The following MAP3K2 variants were observed in gnomAD, a reference collection of about 807,000 sequenced individuals.
MAP3K2 encodes the protein mitogen-activated protein kinase kinase kinase 2, also known as MAP/ERK kinase kinase 2.
Under a neutral mutation model 80.3 loss-of-function variants are expected in MAP3K2, and 24 were observed. The ratio of observed to expected loss-of-function variants is 0.30; its 90% confidence interval spans 0.22 to 0.42. The LOEUF is 0.42. Among genes scored for constraint, MAP3K2 ranks in the 10% least tolerant of loss-of-function variants. The probability of loss-of-function intolerance (pLI) is 1.00; values close to 1 mark genes in which losing one functional copy is unlikely to be tolerated. For missense variants in MAP3K2, 608 were observed against 750.1 expected (o/e 0.81, Z 2.21); for synonymous variants, 244 against 253.7 (o/e 0.96, Z 0.36).
Position 127,300,691 on chromosome 2 carries a change from A to C in MAP3K2, c.*6888T>G, listed in dbSNP as rs1685575186. 6.6e-6 allele frequency: 1 copy of C among 152,182 alleles called. No individual in the cohort carries two copies. The highest frequency in any genetic ancestry group is 2.1e-4 in the South Asian group (1 of 4,832). The allele number at this position is 152,182 out of a possible 1,614,324, so 9.4% of individuals were successfully genotyped here. A position where few individuals can be genotyped will look rare whatever the true frequency, so the allele number is the denominator to read the frequency against. ...TACTAATTAAGATTGCATTAAAACA[A>C]TTGTTGGTCTTTAAAGAAGTATTCT... On this transcript the variant is annotated 3_prime_UTR_variant, in exon 17 of 17. Coordinates refer to ENST00000682094, the MANE Select transcript of MAP3K2 (RefSeq NM_001371910.2).
intron 1 of MAP3K2, among the ~76,000 whole-genome samples, chr2:127,347,777 CACA>C (rs1411786813): frequency 2.0e-5 from 3 of 152,098 alleles, no homozygotes; most frequent in African/African-American, 7.2e-5. Flanking sequence ...ACTGAATAGC[CACA>C]ACAATACTGA....
rs757221600 is a variant in MAP3K2, at chr2:127,339,077, A to G, written c.5-27T>C. On this transcript the variant is annotated intron_variant, in intron 2 of 16. Coordinates refer to ENST00000682094, the MANE Select transcript of MAP3K2 (RefSeq NM_001371910.2). This position sits in a 1 kb window ranked among gnomAD's most constrained non-coding sequence, Gnocchi z 4.2. ...TAGGTAGTTTTGAAACAACACATAC[A>G]TAGAATTGTAATTGTGACATATATA... 11 of 1,352,220 alleles carry G rather than the reference A, an allele frequency of 8.1e-6. No individual in the cohort carries two copies. The highest frequency in any genetic ancestry group is 1.9e-5 in the Admixed American group (1 of 53,856). 83.8% of individuals were successfully genotyped at this position (1,352,220 alleles called of 1,614,324 possible).
chr2:127,332,302 G>A (rs1686275394), intron 5 of MAP3K2, among the ~76,000 whole-genome samples: 1 of 152,096 alleles, frequency 6.6e-6, no homozygotes, highest in Non-Finnish European at 1.5e-5. Context: ...TCATTTGAGG[G>A]GAAAATCTGA....
chr2:127,344,405 T>C (rs1283429344), intron 1 of MAP3K2, among the ~76,000 whole-genome samples: 1 of 151,878 alleles, frequency 6.6e-6, no homozygotes, highest in South Asian at 2.1e-4. Flanking sequence ...TACTAGCAAT[T>C]TGGGGGGGCC....
chr2:127,386,903 G>A (rs1405399110), intron 1 of MAP3K2, among the ~76,000 whole-genome samples: 1 of 152,054 alleles, frequency 6.6e-6, no homozygotes, highest in Non-Finnish European at 1.5e-5. Context: ...CATGACCTTG[G>A]ACAAATGCCT....
At chr2:127,371,872 TA>T (rs1687071233) in intron 1 of MAP3K2, among the ~76,000 whole-genome samples, 1 of 152,062 alleles carries the variant, frequency 6.6e-6, no homozygotes, top group East Asian at 1.9e-4. Flanking sequence ...CCAAATTTGA[TA>T]AAAACGACAA....
intron 1 of MAP3K2, among the ~76,000 whole-genome samples, chr2:127,348,498 A>G (rs1686637035): frequency 1.3e-5 from 2 of 152,206 alleles, no homozygotes; most frequent in South Asian, 4.1e-4. Context: ...CAGATTTTTA[A>G]AAAGCCCCAT....
At position 127,302,874 on chromosome 2, in the gene MAP3K2, A is replaced by C. The variant is rs772931276; in HGVS notation, c.*4705T>G. 1 of 146,134 alleles carries C rather than the reference A, an allele frequency of 6.8e-6. No homozygotes were observed. The allele number at this position is 146,134 out of a possible 1,614,324, so 9.1% of individuals were successfully genotyped here. A position where few individuals can be genotyped will look rare whatever the true frequency, so the allele number is the denominator to read the frequency against. On this transcript the variant is annotated 3_prime_UTR_variant, in exon 17 of 17. Coordinates refer to ENST00000682094, the MANE Select transcript of MAP3K2 (RefSeq NM_001371910.2). ...CAAATCCTAATGTTTCTCTCCTAAC[A>C]TTTATTTATTTATTTATTTATTTTT...
chr2:127,384,236 T>TATATATATATA (rs1558993425), intron 1 of MAP3K2, among the ~76,000 whole-genome samples: 3 of 134,274 alleles, frequency 2.2e-5, no homozygotes, highest in African/African-American at 8.9e-5. Flanking sequence ...ATATATATAT[T>TATATATATATA]GCTTTTTTAG....
At chr2:127,363,134 T>A (rs952089010) in intron 1 of MAP3K2, among the ~76,000 whole-genome samples, 1 of 152,216 alleles carries the variant, frequency 6.6e-6, no homozygotes, top group African/African-American at 2.4e-5. Context: ...CAATTTTATA[T>A]AAGAGATGTT....
intron 1 of MAP3K2, among the ~76,000 whole-genome samples, chr2:127,382,253 C>T (rs1687260090): frequency 6.6e-6 from 1 of 152,110 alleles, no homozygotes; most frequent in Admixed American, 6.5e-5. Flanking sequence ...ATGTCCTTAA[C>T]TTTAGGAGAT....
In MAP3K2 at chr2:127,387,552, G is replaced by C; in HGVS notation, c.-166C>G. 11 of 985,038 alleles carry C rather than the reference G, an allele frequency of 1.1e-5. No individual in the cohort carries two copies. The highest frequency in any genetic ancestry group is 1.3e-5 in the Non-Finnish European group (11 of 829,768). The allele number at this position is 985,038 out of a possible 1,614,324, so 61.0% of individuals were successfully genotyped here. ...AGCGCGGCCTGTCACCGCGGCCCCA[G>C]GTCGGGGGCTGCCGCAGGGCCCCCG... On this transcript the variant is annotated 5_prime_UTR_variant, in exon 1 of 17. Coordinates refer to ENST00000682094, the MANE Select transcript of MAP3K2 (RefSeq NM_001371910.2).
intron 1 of MAP3K2, among the ~76,000 whole-genome samples, chr2:127,352,717 CCT>C (rs1305635734): frequency 6.6e-6 from 1 of 151,966 alleles, no homozygotes; most frequent in Admixed American, 6.6e-5. Flanking sequence ...CCTCCCTCTC[CCT>C]CTCTTTCCAC....
Position 127,322,291 on chromosome 2 carries a change from AAT to A in MAP3K2, c.839-41_839-40del. The A allele has an allele frequency of 7.0e-6, 9 of 1,280,056 alleles. No homozygotes were observed. Among genetic ancestry groups the A allele is most frequent in the Non-Finnish European group, 7.8e-6 (7 of 898,532 alleles). The allele number at this position is 1,280,056 out of a possible 1,614,324, so 79.3% of individuals were successfully genotyped here. A position where few individuals can be genotyped will look rare whatever the true frequency, so the allele number is the denominator to read the frequency against. On this transcript the variant is annotated intron_variant, in intron 11 of 16. Transcript: ENST00000682094. The surrounding 1 kb of genome is among the most constrained non-coding windows in gnomAD (Gnocchi z 4.2). ...AGAGAATGACCTTATACCTTTTATT[AAT>A]ATGTTATACTTTTAAAGTATTTAAA...
At chr2:127,382,069 C>G (rs182875795) in intron 1 of MAP3K2, among the ~76,000 whole-genome samples, 3 of 152,272 alleles carry the variant, frequency 2.0e-5, no homozygotes, top group Admixed American at 2.0e-4. Context: ...GCCTTAACAA[C>G]TAAATGCAAT....
At chr2:127,387,419 CACAA>C (rs1199518991) in intron 1 of MAP3K2, 29 bp downstream of exon 1, 1 of 967,406 alleles carries the variant, frequency 1.0e-6, no homozygotes, top group African/African-American at 1.8e-5. Flanking sequence ...CACACACACA[CACAA>C]GCGCGCGCGC....
intron 1 of MAP3K2, among the ~76,000 whole-genome samples, chr2:127,355,028 C>CA (rs1305878980): frequency 2.0e-5 from 3 of 151,928 alleles, no homozygotes; most frequent in Admixed American, 6.6e-5. Context: ...TAAACAACTA[C>CA]AAAAAATGAA....
chr2:127,337,479 T>C (rs932724843), intron 4 of MAP3K2, among the ~76,000 whole-genome samples: 1 of 152,198 alleles, frequency 6.6e-6, no homozygotes, highest in African/African-American at 2.4e-5. Context: ...AGTGAAAATA[T>C]GTAAAGGCTG....
intron 1 of MAP3K2, among the ~76,000 whole-genome samples, chr2:127,362,129 G>A (rs911915500): frequency 6.6e-6 from 1 of 152,032 alleles, no homozygotes; most frequent in African/African-American, 2.4e-5. Flanking sequence ...TCTCTCAGTG[G>A]GTCATGTTAC....
Sources: allele counts gnomAD v4.1 joint callset (sites outside exome capture counted in the v4.1 genomes callset), GRCh38; gene constraint gnomAD v4.1.1; non-coding constraint Gnocchi (gnomAD v3.1); transcripts MANE v1.5; gene names NCBI Gene and HGNC (gene_info 2026-07-23, HGNC 2026-07-21).